Variants in SORCS3 observed in about 807,000 individuals in gnomAD.
The protein encoded by SORCS3 is VPS10 domain-containing receptor SorCS3.
In SORCS3, 57 loss-of-function variants were observed where a neutral mutation model predicts 146.3. The observed-to-expected ratio is 0.39, with a 90% CI of 0.31 to 0.49. The LOEUF is 0.49. Among genes scored for constraint, SORCS3 ranks in the 20% least tolerant of loss-of-function variants. The pLI, the probability that SORCS3 is intolerant of heterozygous loss-of-function variation, is 0.92. For synonymous variants in SORCS3, 653 were observed against 618.5 expected (o/e 1.06, Z -0.83); for missense variants, 1,341 against 1,575.5 (o/e 0.85, Z 2.52).
intron 1 of SORCS3, among the ~76,000 whole-genome samples, chr10:104,744,664 A>G (rs1306934029): frequency 2.0e-5 from 3 of 152,184 alleles, no homozygotes; most frequent in Non-Finnish European, 4.4e-5. Context: ...CCCAAAACCT[A>G]ATTTCCTCCC....
intron 1 of SORCS3, among the ~76,000 whole-genome samples, chr10:104,674,793 T>C (rs1384038329): frequency 6.6e-6 from 1 of 152,246 alleles, no homozygotes; most frequent in Non-Finnish European, 1.5e-5. Context: ...CAATTAACAT[T>C]ATGTCTGTGA....
chr10:104,733,109 G>C (rs894697249), intron 1 of SORCS3, among the ~76,000 whole-genome samples: 1 of 152,114 alleles, frequency 6.6e-6, no homozygotes, highest in Non-Finnish European at 1.5e-5. Flanking sequence ...ATAATAACCC[G>C]TGAACTTACA....
At chr10:105,078,110 T>C (rs989694490) in intron 5 of SORCS3, among the ~76,000 whole-genome samples, 6 of 152,128 alleles carry the variant, frequency 3.9e-5, no homozygotes, top group Non-Finnish European at 8.8e-5. Flanking sequence ...ATGGTGAAAA[T>C]AGCAGCATAA....
chr10:104,656,407 A>C (rs912518297), intron 1 of SORCS3, among the ~76,000 whole-genome samples: 1 of 152,180 alleles, frequency 6.6e-6, no homozygotes, highest in Non-Finnish European at 1.5e-5. Context: ...GTGCAATTCT[A>C]GCACTTTGGG....
intron 8 of SORCS3, 103 bp downstream of exon 8, chr10:105,139,589 C>A: frequency 2.3e-6 from 2 of 868,266 alleles, no homozygotes; most frequent in Non-Finnish European, 3.8e-6. Flanking sequence ...TTTGGAAGGA[C>A]TGCTGGCATT....
At chr10:105,039,956 A>T (rs2055329202) in intron 4 of SORCS3, among the ~76,000 whole-genome samples, 1 of 152,164 alleles carries the variant, frequency 6.6e-6, no homozygotes, top group African/African-American at 2.4e-5. Flanking sequence ...AGAGGAAGAC[A>T]CAATCATGTT....
chr10:104,874,878 T>C (rs764593917), intron 2 of SORCS3, among the ~76,000 whole-genome samples: 3 of 152,186 alleles, frequency 2.0e-5, no homozygotes, highest in Non-Finnish European at 4.4e-5. Flanking sequence ...AGCTCTCTTC[T>C]GCAGCCGCCT....
At chr10:105,155,206 A>T (rs1564769017) in intron 9 of SORCS3, among the ~76,000 whole-genome samples, 1 of 152,146 alleles carries the variant, frequency 6.6e-6, no homozygotes, top group Non-Finnish European at 1.5e-5. Flanking sequence ...AATGGTAATG[A>T]TTCTTTAATT....
At chr10:105,030,639 C>T (rs912089442) in intron 4 of SORCS3, among the ~76,000 whole-genome samples, 3 of 150,936 alleles carry the variant, frequency 2.0e-5, no homozygotes, top group Non-Finnish European at 4.4e-5. Flanking sequence ...GTTGCCCAGG[C>T]TGGAGTGCAA....
chr10:104,742,174 C>G (rs542790325), intron 1 of SORCS3, among the ~76,000 whole-genome samples: 1 of 152,184 alleles, frequency 6.6e-6, no homozygotes, highest in Admixed American at 6.5e-5. Context: ...TAGATTGACA[C>G]CCTAAGAGGT....
intron 4 of SORCS3, among the ~76,000 whole-genome samples, chr10:105,004,849 C>T (rs531585334): frequency 2.0e-5 from 3 of 151,952 alleles, no homozygotes; most frequent in African/African-American, 7.2e-5. Flanking sequence ...GAGAATGCAA[C>T]GTTCAGTCTT....
At chr10:104,707,059 G>A (rs764488178) in intron 1 of SORCS3, among the ~76,000 whole-genome samples, 7 of 152,078 alleles carry the variant, frequency 4.6e-5, no homozygotes, top group Non-Finnish European at 8.8e-5. Context: ...CTGAGGCATC[G>A]CATAGAGACA....
chr10:104,724,232 T>G (rs796685382), intron 1 of SORCS3, among the ~76,000 whole-genome samples: 1 of 152,204 alleles, frequency 6.6e-6, no homozygotes, highest in South Asian at 2.1e-4. Flanking sequence ...CCTTCACTTA[T>G]GAAGCTTAGT....
intron 1 of SORCS3, among the ~76,000 whole-genome samples, chr10:104,825,784 C>T (rs1215003515): frequency 6.6e-6 from 1 of 152,206 alleles, no homozygotes; most frequent in Non-Finnish European, 1.5e-5. Context: ...GAATGGCCAT[C>T]TCATTTTCAA....
At position 105,188,137 on chromosome 10, in the gene SORCS3, C is replaced by CT. The variant is rs368818086; in HGVS notation, c.2009+9969dup. Among the ~76,000 whole-genome samples, 415 of 152,160 alleles carry CT rather than the reference C, an allele frequency of 2.7e-3. 3 individuals are homozygous for CT. Among genetic ancestry groups the CT allele is most frequent in the African/African-American group, 9.5e-3 (394 of 41,510 alleles). On this transcript the variant is annotated intron_variant, in intron 14 of 26. Transcript: ENST00000369701. Reference sequence around the variant, plus strand: ...AACCCTGGCTTCAGTTTGATTTTTGCTTTTTGCCTAGCCTGAGAAAGAATA... The same window carrying CT: ...AACCCTGGCTTCAGTTTGATTTTTGCTTTTTTGCCTAGCCTGAGAAAGAATA...
chr10:104,854,830 T>C (rs2018312470), intron 2 of SORCS3, among the ~76,000 whole-genome samples: 2 of 152,216 alleles, frequency 1.3e-5, no homozygotes, highest in Non-Finnish European at 2.9e-5. Flanking sequence ...TTTGATGCTT[T>C]TCTCACTTTT....
At chr10:105,215,026 A>G (rs1417494277) in intron 18 of SORCS3, among the ~76,000 whole-genome samples, 2 of 152,236 alleles carry the variant, frequency 1.3e-5, no homozygotes, top group African/African-American at 4.8e-5. Context: ...CTGATTAGAA[A>G]AGCCCACAAA....
At chr10:104,674,096 C>T (rs139930382) in intron 1 of SORCS3, among the ~76,000 whole-genome samples, 41 of 152,274 alleles carry the variant, frequency 2.7e-4, no homozygotes, top group African/African-American at 6.3e-4. Context: ...TTTATAGCAC[C>T]GCAGAAAGCT....
intron 2 of SORCS3, among the ~76,000 whole-genome samples, chr10:104,884,520 G>T (rs1323664355): frequency 6.6e-6 from 1 of 152,174 alleles, no homozygotes; most frequent in East Asian, 1.9e-4. Flanking sequence ...AGCAGACCAT[G>T]GGGAGCTATT....
Sources: allele counts gnomAD v4.1 joint callset (sites outside exome capture counted in the v4.1 genomes callset), GRCh38; gene constraint gnomAD v4.1.1; transcripts MANE v1.5; gene names NCBI Gene and HGNC (gene_info 2026-07-23, HGNC 2026-07-21).